Variants in DLG5 observed in about 807,000 individuals in gnomAD.
DLG5 encodes discs large MAGUK scaffold protein 5.
In DLG5, 48 loss-of-function variants were observed where a neutral mutation model predicts 189.8. The observed-to-expected ratio is 0.25, with a 90% CI of 0.20 to 0.32. The LOEUF (loss-of-function observed/expected upper bound fraction) is 0.32. DLG5 is among the 10% of genes least tolerant of loss of function. The pLI is 1.00. For synonymous variants in DLG5, 1,016 were observed against 1,054.1 expected, an observed-to-expected ratio of 0.96 and a Z score of 0.70; for missense variants, 2,160 against 2,544.7, an observed-to-expected ratio of 0.85 and a Z score of 3.25.
At chr10:77,891,573 G>GACACACACACACACAC (rs55688664) in intron 1 of DLG5, among the ~76,000 whole-genome samples, 32 of 140,580 alleles carry the variant, frequency 2.3e-4, no homozygotes, top group South Asian at 1.2e-3. Context: ...TCCCCCAACA[G>GACACACACACACACAC]ACACACACAC....
rs544197668 is a variant in DLG5 at position 77,867,537 on chromosome 10, T to C, written c.373+1592A>G. 1.9e-4 allele frequency among the ~76,000 whole-genome samples: 29 copies of C among 152,244 alleles called. No individual in the cohort carries two copies. The South Asian group carries it at 6.0e-3, about 32-fold the overall frequency. On this transcript the variant is annotated intron_variant, in intron 2 of 31. Transcript: ENST00000372391. Reference sequence around the variant, plus strand: ...AATCCCATCATTCCATTGATATGTCTCCGGGCACCAAAAGCAGGCAGAACA... The same window carrying C: ...AATCCCATCATTCCATTGATATGTCCCCGGGCACCAAAAGCAGGCAGAACA...
At chr10:77,854,931 G>A (rs1422848804) in intron 3 of DLG5, among the ~76,000 whole-genome samples, 1 of 151,892 alleles carries the variant, frequency 6.6e-6, no homozygotes, top group African/African-American at 2.4e-5. Flanking sequence ...CGAGGATGCA[G>A]TGAGCCGAGA....
At position 77,926,156 on chromosome 10, in the gene DLG5, C is replaced by A. The variant is rs1846683413; in HGVS notation, c.304+61G>T. On this transcript the variant is annotated intron_variant, in intron 1 of 31. Coordinates refer to ENST00000372391, the MANE Select transcript of DLG5 (RefSeq NM_004747.4). The surrounding 1 kb of genome is among the most constrained non-coding windows in gnomAD (Gnocchi z 5.2). ...GCGGCCCCGGCGAGGTACCCTCGGC[C>A]AGCAGGAGGGAGAAGCGGAGGGCGC... 1 of 1,303,432 alleles carries A rather than the reference C, an allele frequency of 7.7e-7. No homozygotes were observed. Among genetic ancestry groups the A allele is most frequent in the East Asian group, 3.1e-5 (1 of 31,876 alleles). 80.7% of individuals were successfully genotyped at this position (1,303,432 alleles called of 1,614,324 possible). A position where few individuals can be genotyped will look rare whatever the true frequency, so the allele number is the denominator to read the frequency against.
intron 20 of DLG5, among the ~76,000 whole-genome samples, chr10:77,812,992 G>A (rs907274484): frequency 6.6e-5 from 10 of 152,256 alleles, no homozygotes; most frequent in East Asian, 1.9e-4. Context: ...CAGGCCAACT[G>A]CATGGTGGAA....
At chr10:77,906,487 A>C (rs1846072712) in intron 1 of DLG5, among the ~76,000 whole-genome samples, 1 of 152,198 alleles carries the variant, frequency 6.6e-6, no homozygotes. Flanking sequence ...TTGAATCGTC[A>C]GGGACTTCTG....
intron 27 of DLG5, among the ~76,000 whole-genome samples, chr10:77,797,591 C>T (rs2154574861): frequency 6.6e-6 from 1 of 152,240 alleles, no homozygotes; most frequent in South Asian, 2.1e-4. Flanking sequence ...GGATGAGAGT[C>T]TCCAGAAAGA....
intron 5 of DLG5, among the ~76,000 whole-genome samples, chr10:77,849,688 G>A (rs1843868235): frequency 6.6e-6 from 1 of 152,228 alleles, no homozygotes; most frequent in Non-Finnish European, 1.5e-5. Flanking sequence ...TGGGCTGCAA[G>A]GTGGGGGAAG....
upstream of DLG5, chr10:77,927,876 G>C (rs1846744444): frequency 6.6e-6 from 1 of 152,256 alleles, no homozygotes; most frequent in African/African-American, 2.4e-5. Flanking sequence ...TGATCCCGCA[G>C]TGCTCCTCTG....
chr10:77,926,620 G>A lies in DLG5; in HGVS notation c.-100C>T. 4.1e-6 allele frequency: 4 copies of A among 985,100 alleles called. No individual in the cohort carries two copies. The highest frequency in any genetic ancestry group is 5.0e-6 in the Non-Finnish European group (4 of 800,474). The allele number at this position is 985,100 out of a possible 1,614,324, so 61.0% of individuals were successfully genotyped here. A position where few individuals can be genotyped will look rare whatever the true frequency, so the allele number is the denominator to read the frequency against. ...ACCTCGGCAGCAGCCCTAGGGCGCC[G>A]GGAGCCGTGAGGCGGCGGGAGCCAT... On this transcript the variant is annotated 5_prime_UTR_variant, in exon 1 of 32. Transcript: ENST00000372391. The surrounding 1 kb of genome is among the most constrained non-coding windows in gnomAD (Gnocchi z 5.2).
intron 8 of DLG5, among the ~76,000 whole-genome samples, chr10:77,835,058 C>T (rs1412318363): frequency 6.6e-6 from 1 of 152,106 alleles, no homozygotes; most frequent in Non-Finnish European, 1.5e-5. Flanking sequence ...CACTGCTTGG[C>T]TTCCCTTTCA....
intron 1 of DLG5, among the ~76,000 whole-genome samples, chr10:77,876,273 T>G (rs566550958): frequency 2.3e-4 from 35 of 149,866 alleles, no homozygotes; most frequent in Admixed American, 2.1e-3. Flanking sequence ...GTGAGGTGGC[T>G]CATGCCTGTA....
chr10:77,817,633 C>G lies in DLG5; in HGVS notation c.3784+144G>C, dbSNP rs998327505. The G allele has an allele frequency of 1.4e-5, 10 of 701,230 alleles. No homozygotes were observed. The Admixed American group carries it at 1.7e-4, about 12-fold the overall frequency. 43.4% of individuals were successfully genotyped at this position (701,230 alleles called of 1,614,324 possible). A position where few individuals can be genotyped will look rare whatever the true frequency, so the allele number is the denominator to read the frequency against. ...TGGCTGGCCCATGAAGGAAGCAGCC[C>G]TTCCCAGTAGAGAAATGAGCTCAGT... On this transcript the variant is annotated intron_variant, in intron 18 of 31. Coordinates refer to ENST00000372391, the MANE Select transcript of DLG5 (RefSeq NM_004747.4).
intron 7 of DLG5, among the ~76,000 whole-genome samples, chr10:77,838,033 G>A (rs1843234584): frequency 6.6e-6 from 1 of 152,184 alleles, no homozygotes; most frequent in Non-Finnish European, 1.5e-5. Context: ...ACCTCCCTCT[G>A]CTTCCTGGGA....
intron 7 of DLG5, among the ~76,000 whole-genome samples, chr10:77,836,461 C>T (rs1057334607): frequency 2.0e-5 from 3 of 152,112 alleles, no homozygotes; most frequent in African/African-American, 4.8e-5. Context: ...ACAGCAGAGG[C>T]GCTGATGACA....
At chr10:77,929,077 G>A (rs573900270), upstream of DLG5, 3 of 151,964 alleles carry the variant, frequency 2.0e-5, 1 homozygote, top group South Asian at 4.2e-4. Context: ...TCACTCTGTC[G>A]CCCAGGCTGG....
intron 1 of DLG5, among the ~76,000 whole-genome samples, chr10:77,899,468 C>T (rs1235310101): frequency 6.6e-6 from 1 of 152,184 alleles, no homozygotes; most frequent in Admixed American, 6.5e-5. Flanking sequence ...GCCTCAGTTC[C>T]CTCATCTGTA....
intron 1 of DLG5, among the ~76,000 whole-genome samples, chr10:77,902,044 C>T (rs713139): frequency 0.1 from 15,476 of 152,246 alleles, 1,601 homozygotes; most frequent in East Asian, 0.26. Context: ...GCTCCTCTCA[C>T]TCGCTGCCAC....
chr10:77,936,155 T>G, the DLG5 span, among the ~76,000 whole-genome samples: 2 of 152,114 alleles, frequency 1.3e-5, no homozygotes, highest in African/African-American at 4.8e-5. Context: ...AAACAGAGAA[T>G]CTGGCTGGGC....
chr10:77,794,663 C>G (rs944858696), intron 30 of DLG5, among the ~76,000 whole-genome samples, 186 bp downstream of exon 30: 3 of 152,226 alleles, frequency 2.0e-5, no homozygotes, highest in Admixed American at 6.5e-5. Context: ...TTGGCTGACA[C>G]CACCTCTGAG....
Sources: gnomAD v4.1 joint callset for allele counts (sites outside exome capture counted in the v4.1 genomes callset) on GRCh38, gnomAD v4.1.1 for gene constraint, Gnocchi (gnomAD v3.1) non-coding constraint, MANE v1.5 for transcripts, NCBI Gene and HGNC (gene_info 2026-07-23, HGNC 2026-07-21) for gene names.